Variants in ZSCAN1 observed in about 807,000 individuals in gnomAD.
ZSCAN1 encodes zinc finger and SCAN domain containing 1, also known as zinc finger and SCAN domain-containing protein 1.
In ZSCAN1, 23 loss-of-function variants were observed where a neutral mutation model predicts 23.8. The observed-to-expected ratio is 0.97, with a 90% CI of 0.70 to 1.37. The LOEUF (loss-of-function observed/expected upper bound fraction) is 1.37. Among genes scored for constraint, ZSCAN1 ranks in the 40% most tolerant of loss-of-function variants. ZSCAN1 has a pLI of 0.00. For synonymous variants in ZSCAN1, 236 were observed against 232.3 expected (o/e 1.02, Z -0.15); for missense variants, 575 against 554.0 (o/e 1.04, Z -0.38).
chr19:58,044,478 C>A, intron 4 of ZSCAN1: 1 of 412,214 alleles, frequency 2.4e-6, no homozygotes, highest in Non-Finnish European at 4.3e-6. Context: ...CGTCAACCGT[C>A]CGCACGGACG....
chr19:58,052,758 T>G, intron 5 of ZSCAN1, 130 bp downstream of exon 5: 1 of 1,327,286 alleles, frequency 7.5e-7, no homozygotes, highest in South Asian at 1.5e-5. Flanking sequence ...CCAGAAAGCA[T>G]GCACACCTCC....
chr19:58,054,091 C>T lies in ZSCAN1; in HGVS notation c.*40C>T. The T allele has an allele frequency of 1.4e-6, 2 of 1,446,064 alleles. No homozygotes were observed. Among genetic ancestry groups the T allele is most frequent in the Non-Finnish European group, 1.8e-6 (2 of 1,101,626 alleles). The allele number at this position is 1,446,064 out of a possible 1,614,324, so 89.6% of individuals were successfully genotyped here. A position where few individuals can be genotyped will look rare whatever the true frequency, so the allele number is the denominator to read the frequency against. On this transcript the variant is annotated 3_prime_UTR_variant, in exon 6 of 6. Coordinates refer to ENST00000282326, the MANE Select transcript of ZSCAN1 (RefSeq NM_182572.4). This position sits in a 1 kb window ranked among gnomAD's most constrained non-coding sequence, Gnocchi z 4.2. Reference sequence around the variant, plus strand: ...GCCTCGGCCACCCGGCCCTGAGTCCCTGGGGGGAGCTGATGGGCCCCAGAA... The same window carrying T: ...GCCTCGGCCACCCGGCCCTGAGTCCTTGGGGGGAGCTGATGGGCCCCAGAA...
Position 58,040,611 on chromosome 19 carries a change from C to A in ZSCAN1, c.465+67C>A. On this transcript the variant is annotated intron_variant, in intron 4 of 5. Coordinates refer to ENST00000282326, the MANE Select transcript of ZSCAN1 (RefSeq NM_182572.4). The surrounding 1 kb of genome is among the most constrained non-coding windows in gnomAD (Gnocchi z 5.8). ...GCATGCGTGCCGCTTCTGGGACGGC[C>A]TCAAGGATGCCCCATCCAAGGACTG... The A allele has an allele frequency of 6.7e-7, 1 of 1,497,930 alleles. No homozygotes were observed. 92.8% of individuals were successfully genotyped at this position (1,497,930 alleles called of 1,614,324 possible). A position where few individuals can be genotyped will look rare whatever the true frequency, so the allele number is the denominator to read the frequency against.
In ZSCAN1 at chr19:58,045,297, T is replaced by A; in HGVS notation, c.465+4753T>A. 1 of 791,416 alleles carries A rather than the reference T, an allele frequency of 1.3e-6. No homozygotes were observed. Among genetic ancestry groups the A allele is most frequent in the Non-Finnish European group, 2.3e-6 (1 of 428,780 alleles). 49.0% of individuals were successfully genotyped at this position (791,416 alleles called of 1,614,324 possible). A position where few individuals can be genotyped will look rare whatever the true frequency, so the allele number is the denominator to read the frequency against. On this transcript the variant is annotated intron_variant, in intron 4 of 5. Transcript: ENST00000282326. This position sits in a 1 kb window ranked among gnomAD's most constrained non-coding sequence, Gnocchi z 4.3. Reference sequence around the variant, plus strand: ...GAAACTCTTCCCCAACATGTTGCCATCCACATCCGAGACTCAGTCCATCAA... The same window carrying A: ...GAAACTCTTCCCCAACATGTTGCCAACCACATCCGAGACTCAGTCCATCAA...
At chr19:58,038,718 C>G (rs1259239336) in intron 3 of ZSCAN1, among the ~76,000 whole-genome samples, 3 of 152,260 alleles carry the variant, frequency 2.0e-5, no homozygotes, top group Non-Finnish European at 4.4e-5. Flanking sequence ...TCTCCCCTGA[C>G]AGGGCTTTGT....
chr19:58,052,610 C>T lies in ZSCAN1; in HGVS notation c.586C>T (p.Arg196Cys), dbSNP rs747307191. 30 of 1,606,168 alleles carry T rather than the reference C, an allele frequency of 1.9e-5. No homozygotes were observed. The highest frequency in any genetic ancestry group is 1.7e-4 in the Middle Eastern group (1 of 6,032). ...CACCAGGGCGGAGGCCGAAGCGCCC[C>T]GCGCCCCTGGCTTGCTGGGTGAGTC... ...LHTRAEAEAPRAPGLLGSRAR... is the reference protein window; with the variant it reads ...LHTRAEAEAPCAPGLLGSRAR... Residue 196 changes from arginine to cysteine, a missense_variant, in exon 5 of 6, where the codon CGC becomes TGC. Arg to Cys is a radical substitution (Grantham distance 180, BLOSUM62 -3). Transcript: ENST00000282326.
rs151224171 is a variant in ZSCAN1 at position 58,038,578 on chromosome 19, C to T, written c.370+372C>T. 5.1e-4 allele frequency: 263 copies of T among 511,004 alleles called. 2 individuals carry two copies. In the East Asian group the frequency reaches 7.4e-3, roughly 14 times the overall value. The allele number at this position is 511,004 out of a possible 1,614,324, so 31.7% of individuals were successfully genotyped here. On this transcript the variant is annotated intron_variant, in intron 3 of 5. Transcript: ENST00000282326. ...TCAGGAATCCTAGAGATCCTTAAGC[C>T]TTCACAGGGCGCAGGCCCCATCGCT... is the stretch of plus-strand genomic sequence containing the variant.
Position 58,053,394 on chromosome 19 carries a change from C to T in ZSCAN1, c.605-35C>T, listed in dbSNP as rs1463175929. 5 of 1,581,062 alleles carry T rather than the reference C, an allele frequency of 3.2e-6. No homozygotes were observed. Among genetic ancestry groups the T allele is most frequent in the Non-Finnish European group, 4.3e-6 (5 of 1,161,656 alleles). On this transcript the variant is annotated intron_variant, in intron 5 of 5. Coordinates refer to ENST00000282326, the MANE Select transcript of ZSCAN1 (RefSeq NM_182572.4). The surrounding 1 kb of genome is among the most constrained non-coding windows in gnomAD (Gnocchi z 5.8). The stretch of plus-strand genomic sequence containing the variant: ...CAGGGAGATGCCAAGGCCATCCACT[C>T]ACTACAGGTGACCCATCTCCCTCGC...
chr19:58,042,175 C>G (rs749392790), intron 4 of ZSCAN1, among the ~76,000 whole-genome samples: 2 of 149,362 alleles, frequency 1.3e-5, no homozygotes, highest in Non-Finnish European at 3.0e-5. Context: ...TAGCACAGGT[C>G]TTTGAATAAA....
chr19:58,035,798 T>C (rs931872623), intron 1 of ZSCAN1, among the ~76,000 whole-genome samples, 172 bp from the exon 2 acceptor site: 12 of 152,104 alleles, frequency 7.9e-5, no homozygotes, highest in African/African-American at 2.9e-4. Context: ...TTCTCCTGGA[T>C]TGTAAAACCA....
Position 58,053,651 on chromosome 19 carries a change from T to C in ZSCAN1, c.827T>C (p.Val276Ala), listed in dbSNP as rs777874059. The stretch of plus-strand genomic sequence containing the variant: ...ACCAAAGGTGGTACCCAAGAGGCTG[T>C]TGCAGGCATCTCGGTAGTGCCGCGT... Reference protein sequence around the residue: ...KHTKGGTQEAVAGISVVPRGP... With the variant: ...KHTKGGTQEAAAGISVVPRGP... Residue 276 changes from valine (V) to alanine (A), a missense_variant, in exon 6 of 6, where the codon GTT becomes GCT. By Grantham distance (64) the Val-to-Ala change is moderately conservative. Transcript: ENST00000282326. The surrounding 1 kb of genome is among the most constrained non-coding windows in gnomAD (Gnocchi z 5.8). The C allele has an allele frequency of 1.9e-6, 3 of 1,613,952 alleles. No individual in the cohort carries two copies. The African/African-American group carries it at 4.0e-5, about 22-fold the overall frequency.
intron 4 of ZSCAN1, among the ~76,000 whole-genome samples, chr19:58,044,368 A>G (rs2073809829): frequency 1.3e-5 from 2 of 152,052 alleles, no homozygotes; most frequent in African/African-American, 4.8e-5. Context: ...GGGGCAGCAG[A>G]AATAAAAGCT....
intron 4 of ZSCAN1, among the ~76,000 whole-genome samples, chr19:58,048,753 G>A (rs549339728): frequency 1.4e-3 from 212 of 152,046 alleles, no homozygotes; most frequent in African/African-American, 4.0e-3. Flanking sequence ...CACCGAGGCC[G>A]GCCCTTTTTA....
At position 58,053,560 on chromosome 19, in the gene ZSCAN1, A is replaced by G; in HGVS notation, c.736A>G (p.Ile246Val). The change falls in exon 6 of 6, where the codon ATC becomes GTC. Residue 246 changes from isoleucine (I) to valine (V), a missense_variant. Coordinates refer to ENST00000282326, the MANE Select transcript of ZSCAN1 (RefSeq NM_182572.4). The surrounding 1 kb of genome is among the most constrained non-coding windows in gnomAD (Gnocchi z 5.8). ...CCCCAAGGGTCCAAGTGCTCAGAGA[A>G]TCAGTCCCCGAAGGAGAAACAGGAA... ...SSPKGPSAQR[I>V]SPRRRNRNTD... 1 of 1,614,102 alleles carries G rather than the reference A, an allele frequency of 6.2e-7. No individual in the cohort carries two copies. The highest frequency in any genetic ancestry group is 8.5e-7 in the Non-Finnish European group (1 of 1,180,020).
In ZSCAN1 at chr19:58,038,181, C is replaced by T; in HGVS notation, c.345C>T (p.Asp115=). ...SCREAASLVE[D]LTQMCQQEVL... The stretch of plus-strand genomic sequence containing the variant: ...GGGAGGCCGCCAGCCTGGTGGAGGA[C>T]CTCACACAGATGTGCCAGCAGGAAG... The change falls in exon 3 of 6, where the codon GAC becomes GAT. Residue 115 remains aspartate (D), a synonymous_variant. Coordinates refer to ENST00000282326, the MANE Select transcript of ZSCAN1 (RefSeq NM_182572.4). 7 of 1,607,326 alleles carry T rather than the reference C, an allele frequency of 4.4e-6. No homozygotes were observed. Among genetic ancestry groups the T allele is most frequent in the Non-Finnish European group, 5.9e-6 (7 of 1,178,304 alleles).
At chr19:58,056,468 A>C (rs1341489821), downstream of ZSCAN1, among the ~76,000 whole-genome samples, 1 of 152,236 alleles carries the variant, frequency 6.6e-6, no homozygotes, top group Non-Finnish European at 1.5e-5. Flanking sequence ...GTCCCTGTGG[A>C]GACACCGGGA....
Position 58,052,492 on chromosome 19 carries a change from G to A in ZSCAN1, c.468G>A (p.Ala156=), listed in dbSNP as rs781127290. The A allele has an allele frequency of 1.9e-5, 30 of 1,614,142 alleles. No homozygotes were observed. Among genetic ancestry groups the A allele is most frequent in the South Asian group, 8.8e-5 (8 of 91,084 alleles). The change falls in exon 5 of 6, where the codon GCG becomes GCA. Residue 156 remains alanine (A), a splice_region_variant and synonymous_variant. Transcript: ENST00000282326. ...SPRSQKEPSQ[A]SELILDAVAA... ...CAGTCCTGTGCTTGCCATTCTAGGCGTCTGAGCTGATTCTGGATGCAGTGG... is the reference window on the plus strand; with the variant it reads ...CAGTCCTGTGCTTGCCATTCTAGGCATCTGAGCTGATTCTGGATGCAGTGG...
intron 1 of ZSCAN1, among the ~76,000 whole-genome samples, chr19:58,035,104 A>T (rs1419622409): frequency 1.3e-5 from 2 of 151,752 alleles, no homozygotes; most frequent in East Asian, 1.9e-4. Context: ...ACACTCTCTC[A>T]CACACACACA....
At position 58,040,477 on chromosome 19, in the gene ZSCAN1, C is replaced by T. The variant is rs1177897451; in HGVS notation, c.398C>T (p.Pro133Leu). The T allele has an allele frequency of 1.9e-6, 3 of 1,613,650 alleles. No individual in the cohort carries two copies. The highest frequency in any genetic ancestry group is 2.5e-6 in the Non-Finnish European group (3 of 1,179,990). Residue 133 changes from proline to leucine, a missense_variant, in exon 4 of 6, where the codon CCC (proline) becomes CTC (leucine). Physicochemically the swap from Pro to Leu is moderately conservative, Grantham distance 98. Transcript: ENST00000282326. This position sits in a 1 kb window ranked among gnomAD's most constrained non-coding sequence, Gnocchi z 5.8. ...CTGGTATCTCTGGACTCGGTCGAAC[C>T]CCAGGACTGGAGTTTCGGTGAGGAG... is the stretch of plus-strand genomic sequence containing the variant. ...EVLVSLDSVE[P>L]QDWSFGEEED...
Sources: allele counts gnomAD v4.1 joint callset (sites outside exome capture counted in the v4.1 genomes callset), GRCh38; gene constraint gnomAD v4.1.1; non-coding constraint Gnocchi (gnomAD v3.1); transcripts MANE v1.5; gene names NCBI Gene and HGNC (gene_info 2026-07-23, HGNC 2026-07-21).